Variants in PCDH9 observed in about 807,000 individuals in gnomAD.
PCDH9 encodes the protein protocadherin 9, also known as protocadherin-9.
PCDH9 carries 24 observed loss-of-function variants against 70.6 expected under a neutral mutation model. The observed-to-expected ratio is 0.34, with a 90% confidence interval of 0.25 to 0.48. The LOEUF is 0.48. Ranked by LOEUF, PCDH9 falls within the 20% of genes least tolerant of loss-of-function variation. The pLI, the probability that PCDH9 is intolerant of heterozygous loss-of-function variation, is 0.99. For synonymous variants in PCDH9, 562 were observed against 558.5 expected (o/e 1.01, Z -0.09); for missense variants, 1,281 against 1,503.6 (o/e 0.85, Z 2.45).
At chr13:67,167,003 C>A (rs2088136364) in intron 2 of PCDH9, among the ~76,000 whole-genome samples, 1 of 152,182 alleles carries the variant, frequency 6.6e-6, no homozygotes, top group South Asian at 2.1e-4. Context: ...GATCTGACTT[C>A]TTGTTCTACA....
chr13:66,788,382 A>G (rs558607637), intron 3 of PCDH9, among the ~76,000 whole-genome samples: 13 of 152,194 alleles, frequency 8.5e-5, no homozygotes, highest in Non-Finnish European at 1.9e-4. Flanking sequence ...AAACCATAGC[A>G]TTAACCTTGG....
At chr13:66,447,579 A>G (rs1958120828) in intron 4 of PCDH9, among the ~76,000 whole-genome samples, 1 of 152,112 alleles carries the variant, frequency 6.6e-6, no homozygotes, top group African/African-American at 2.4e-5. Context: ...ATCTGTGGCA[A>G]TTAGGACTGG....
chr13:66,690,696 C>T (rs1415173710), intron 3 of PCDH9, among the ~76,000 whole-genome samples: 6 of 152,122 alleles, frequency 3.9e-5, no homozygotes, highest in Admixed American at 3.9e-4. Flanking sequence ...CCTGAGTTGG[C>T]AAAGTAGTCC....
chr13:66,902,486 T>A (rs2082292001), intron 3 of PCDH9, among the ~76,000 whole-genome samples: 1 of 150,740 alleles, frequency 6.6e-6, no homozygotes, highest in Non-Finnish European at 1.5e-5. Flanking sequence ...TTATTACAAT[T>A]TTTTTTTTAC....
intron 4 of PCDH9, among the ~76,000 whole-genome samples, chr13:66,610,231 G>A (rs1315693137): frequency 6.6e-6 from 1 of 151,878 alleles, no homozygotes; most frequent in Admixed American, 6.6e-5. Context: ...GAGAGAACAG[G>A]GGTAAGGGGG....
At chr13:67,205,010 T>C (rs1266948744) in intron 2 of PCDH9, 1 of 152,176 alleles carries the variant, frequency 6.6e-6, no homozygotes, top group Non-Finnish European at 1.5e-5. Flanking sequence ...GAAAAGAGTA[T>C]CTATTAAAAA....
At chr13:67,004,601 T>C (rs1308077295) in intron 2 of PCDH9, among the ~76,000 whole-genome samples, 1 of 151,738 alleles carries the variant, frequency 6.6e-6, no homozygotes, top group East Asian at 1.9e-4. Context: ...ATGTATAGCA[T>C]TCATTTTTGT....
chr13:66,656,003 C>A (rs1421948263), intron 3 of PCDH9, among the ~76,000 whole-genome samples: 1 of 152,050 alleles, frequency 6.6e-6, no homozygotes, highest in Non-Finnish European at 1.5e-5. Flanking sequence ...ACTTTTTAAT[C>A]AGGCATTTGG....
intron 4 of PCDH9, among the ~76,000 whole-genome samples, chr13:66,611,740 C>T (rs886959147): frequency 5.3e-5 from 8 of 152,256 alleles, no homozygotes; most frequent in African/African-American, 1.2e-4. Context: ...GTTGTGAGGA[C>T]GGAATTGAAG....
intron 3 of PCDH9, among the ~76,000 whole-genome samples, chr13:66,768,400 C>T (rs2079753743): frequency 6.6e-6 from 1 of 151,970 alleles, no homozygotes; most frequent in East Asian, 1.9e-4. Flanking sequence ...ATTTCCTAAA[C>T]TACTATAATG....
intron 3 of PCDH9, among the ~76,000 whole-genome samples, chr13:66,829,775 A>AT (rs2080893929): frequency 6.7e-6 from 1 of 149,116 alleles, no homozygotes; most frequent in African/African-American, 2.4e-5. Flanking sequence ...AAAACTATAG[A>AT]TTTTGTTCTA....
chr13:66,976,225 C>T (rs2083617536), intron 2 of PCDH9, among the ~76,000 whole-genome samples: 1 of 151,930 alleles, frequency 6.6e-6, no homozygotes, highest in South Asian at 2.1e-4. Context: ...CAGTTGCATG[C>T]AGTTATTTAT....
chr13:66,920,945 C>T (rs2082627956), intron 2 of PCDH9, among the ~76,000 whole-genome samples: 1 of 151,112 alleles, frequency 6.6e-6, no homozygotes, highest in African/African-American at 2.4e-5. Context: ...CAGATTTATC[C>T]TCAAAATCTG....
chr13:67,143,531 A>G (rs1053809159), intron 2 of PCDH9, among the ~76,000 whole-genome samples: 1 of 152,208 alleles, frequency 6.6e-6, no homozygotes, highest in Admixed American at 6.5e-5. Context: ...GAATAGTAAT[A>G]TTCACCCATT....
intron 4 of PCDH9, among the ~76,000 whole-genome samples, chr13:66,395,780 T>C (rs544954115): frequency 9.2e-5 from 14 of 152,272 alleles, no homozygotes; most frequent in African/African-American, 3.4e-4. Flanking sequence ...GTATAAACCA[T>C]GTGGTGTAAA....
chr13:66,690,282 A>G (rs1018845316), intron 3 of PCDH9, among the ~76,000 whole-genome samples: 5 of 152,202 alleles, frequency 3.3e-5, no homozygotes, highest in African/African-American at 1.2e-4. Context: ...GTTCCTTAAG[A>G]AAATCTAAGT....
intron 4 of PCDH9, among the ~76,000 whole-genome samples, chr13:66,577,593 G>C (rs1251112991): frequency 1.3e-5 from 2 of 151,928 alleles, no homozygotes; most frequent in East Asian, 3.9e-4. Context: ...AGGATAGATA[G>C]TTCATATCCT....
At chr13:66,450,585 C>A (rs187455949) in intron 4 of PCDH9, among the ~76,000 whole-genome samples, 1 of 152,252 alleles carries the variant, frequency 6.6e-6, no homozygotes, top group Non-Finnish European at 1.5e-5. Context: ...CATACAAGAC[C>A]ATTTGAATAA....
At chr13:66,779,873 A>ATATGTGTG (rs375882917) in intron 3 of PCDH9, among the ~76,000 whole-genome samples, 29 of 115,810 alleles carry the variant, frequency 2.5e-4, no homozygotes, top group Admixed American at 4.9e-4. Flanking sequence ...ATATACATAT[A>ATATGTGTG]TGTGTGTGTG....
Sources: allele counts gnomAD v4.1 joint callset (sites outside exome capture counted in the v4.1 genomes callset), GRCh38; gene constraint gnomAD v4.1.1; transcripts MANE v1.5; gene names NCBI Gene and HGNC (gene_info 2026-07-23, HGNC 2026-07-21).